BCAT1: variants seen among roughly 807,000 people sequenced by gnomAD.
BCAT1 encodes the protein branched-chain-amino-acid aminotransferase, cytosolic.
In BCAT1, 48 loss-of-function variants were observed where a neutral mutation model predicts 52.4. The observed-to-expected ratio is 0.92, with a 90% CI of 0.73 to 1.16. The LOEUF (loss-of-function observed/expected upper bound fraction) is 1.16. Ranked by LOEUF, BCAT1 falls within the 50% of genes most tolerant of loss-of-function variation. The pLI is 0.00. For missense variants in BCAT1, 451 were observed against 457.1 expected, an observed-to-expected ratio of 0.99 and a Z score of 0.12; for synonymous variants, 167 against 161.3, an observed-to-expected ratio of 1.04 and a Z score of -0.27.
intron 1 of BCAT1, among the ~76,000 whole-genome samples, chr12:24,941,347 CTA>C (rs1469073935): frequency 6.6e-6 from 1 of 152,124 alleles, no homozygotes; most frequent in Non-Finnish European, 1.5e-5. Flanking sequence ...TTAATAGCAG[CTA>C]TATGTGTTTG....
chr12:24,878,956 TC>T (rs1456830091), intron 4 of BCAT1, among the ~76,000 whole-genome samples: 1 of 152,064 alleles, frequency 6.6e-6, no homozygotes, highest in Non-Finnish European at 1.5e-5. Context: ...TTTCTGATTT[TC>T]CCCCCAAAAA....
intron 4 of BCAT1, 125 bp from the exon 5 acceptor site, chr12:24,878,774 G>T: frequency 1.1e-6 from 1 of 942,462 alleles, no homozygotes; most frequent in Non-Finnish European, 1.5e-6. Context: ...AATAAGAAAT[G>T]TTTGAGGTGA....
chr12:24,838,573 C>A (rs1941074897), intron 7 of BCAT1, among the ~76,000 whole-genome samples: 2 of 152,046 alleles, frequency 1.3e-5, no homozygotes, highest in Non-Finnish European at 1.5e-5. Context: ...GCTTGCTGAG[C>A]CCTGAGACTA....
chr12:24,942,410 C>T (rs1453804303), intron 1 of BCAT1, among the ~76,000 whole-genome samples: 1 of 151,806 alleles, frequency 6.6e-6, no homozygotes, highest in East Asian at 1.9e-4. Context: ...CAAGCGTGGT[C>T]GTGGGTGTCT....
chr12:24,850,848 G>T (rs1941487197), intron 5 of BCAT1, among the ~76,000 whole-genome samples: 1 of 152,120 alleles, frequency 6.6e-6, no homozygotes, highest in Admixed American at 6.6e-5. Context: ...ATTGAGAATG[G>T]TTCTTTGCTC....
chr12:24,903,131 G>A lies in BCAT1; in HGVS notation c.7-1246C>T, dbSNP rs11047699. 1.6e-5 allele frequency: 21 copies of A among 1,316,644 alleles called. No homozygotes were observed. The South Asian group carries it at 4.0e-4, about 25-fold the overall frequency. 81.6% of individuals were successfully genotyped at this position (1,316,644 alleles called of 1,614,324 possible). A position where few individuals can be genotyped will look rare whatever the true frequency, so the allele number is the denominator to read the frequency against. ...CCACGACCTGGGGCCGCGCGCCAGG[G>A]CCAGGCGCAGGGTACGACGCAACCC... On this transcript the variant is annotated intron_variant, in intron 1 of 10. Coordinates refer to ENST00000261192, the MANE Select transcript of BCAT1 (RefSeq NM_005504.7).
At chr12:24,930,394 G>A (rs567712482) in intron 1 of BCAT1, among the ~76,000 whole-genome samples, 20 of 152,234 alleles carry the variant, frequency 1.3e-4, no homozygotes, top group Non-Finnish European at 2.2e-4. Flanking sequence ...AGTTCATGAC[G>A]TCTTTGCTCT....
At chr12:24,925,916 T>C (rs1490898166) in intron 1 of BCAT1, among the ~76,000 whole-genome samples, 2 of 151,960 alleles carry the variant, frequency 1.3e-5, no homozygotes, top group African/African-American at 2.4e-5. Flanking sequence ...AGCTGGAGTG[T>C]AGTGGCGTGA....
At chr12:24,877,139 T>C (rs1258753201) in intron 5 of BCAT1, among the ~76,000 whole-genome samples, 1 of 152,200 alleles carries the variant, frequency 6.6e-6, no homozygotes, top group Non-Finnish European at 1.5e-5. Context: ...TCGGTATTTA[T>C]TCCATGGCCC....
chr12:24,867,149 A>G (rs749715347), intron 5 of BCAT1, among the ~76,000 whole-genome samples: 6 of 152,052 alleles, frequency 3.9e-5, no homozygotes, highest in Non-Finnish European at 7.4e-5. Context: ...AGCCAACGAG[A>G]CCACGAACCT....
At chr12:24,857,763 A>T (rs1261158589) in intron 5 of BCAT1, among the ~76,000 whole-genome samples, 1 of 152,164 alleles carries the variant, frequency 6.6e-6, no homozygotes, top group African/African-American at 2.4e-5. Context: ...TCTGATTTGC[A>T]TTGTGTTACC....
At chr12:24,868,691 T>G in intron 5 of BCAT1, among the ~76,000 whole-genome samples, 1 of 152,334 alleles carries the variant, frequency 6.6e-6, no homozygotes, top group Admixed American at 6.5e-5. Flanking sequence ...AGAATGTTCT[T>G]GGAGTAAGAA....
intron 1 of BCAT1, among the ~76,000 whole-genome samples, chr12:24,933,335 TAAAC>T (rs1163403637): frequency 6.6e-6 from 1 of 151,968 alleles, no homozygotes; most frequent in Non-Finnish European, 1.5e-5. Flanking sequence ...CACCATTTCA[TAAAC>T]AAAAAAACTG....
Position 24,817,769 on chromosome 12 carries a change from T to G in BCAT1, c.*239A>C, listed in dbSNP as rs899273191. 4 of 505,772 alleles carry G rather than the reference T, an allele frequency of 7.9e-6. No homozygotes were observed. Among genetic ancestry groups the G allele is most frequent in the African/African-American group, 7.6e-5 (4 of 52,322 alleles). 31.3% of individuals were successfully genotyped at this position (505,772 alleles called of 1,614,324 possible). On this transcript the variant is annotated 3_prime_UTR_variant, in exon 11 of 11. Coordinates refer to ENST00000261192, the MANE Select transcript of BCAT1 (RefSeq NM_005504.7). The stretch of plus-strand genomic sequence containing the variant: ...AAAATCCCATGTTATATGGCTTACA[T>G]TAATGTTTTTCTAGGTAAGGTAAGG...
chr12:24,928,488 A>T (rs1943626864), intron 1 of BCAT1, among the ~76,000 whole-genome samples: 1 of 152,060 alleles, frequency 6.6e-6, no homozygotes, highest in Non-Finnish European at 1.5e-5. Context: ...AATAAAAAAT[A>T]AATTAGCCGG....
intron 3 of BCAT1, among the ~76,000 whole-genome samples, chr12:24,882,598 T>TA (rs1942534925): frequency 1.0e-5 from 1 of 96,214 alleles, no homozygotes; most frequent in Admixed American, 9.9e-5. Context: ...TTATTATTTA[T>TA]TTTTTTTTTT....
At chr12:24,833,180 C>A (rs957570650) in intron 8 of BCAT1, among the ~76,000 whole-genome samples, 4 of 152,172 alleles carry the variant, frequency 2.6e-5, no homozygotes, top group Admixed American at 1.3e-4. Flanking sequence ...TAAAGTCTCA[C>A]AAAATTGATG....
At chr12:24,827,580 C>T (rs925970309) in intron 10 of BCAT1, among the ~76,000 whole-genome samples, 1 of 152,116 alleles carries the variant, frequency 6.6e-6, no homozygotes, top group Non-Finnish European at 1.5e-5. Context: ...TCACTTGAGG[C>T]TAGGAGTTTG....
At position 24,894,458 on chromosome 12, in the gene BCAT1, G is replaced by A; in HGVS notation, c.96C>T (p.Val32=). Residue 32 remains valine, a synonymous_variant, in exon 3 of 11, where the codon GTC becomes GTT. Transcript: ENST00000261192. ...VGTFKAKDLI[V]TPATILKEKP... The stretch of plus-strand genomic sequence containing the variant: ...TTTCCTTTAAAATGGTAGCTGGTGT[G>A]ACTATTAGGTCTTTAGCCTGGGGAA... The A allele has an allele frequency of 6.3e-7, 1 of 1,593,846 alleles. No individual in the cohort carries two copies. The highest frequency in any genetic ancestry group is 8.6e-7 in the Non-Finnish European group (1 of 1,169,172).
Sources: allele counts gnomAD v4.1 joint callset (sites outside exome capture counted in the v4.1 genomes callset), GRCh38; gene constraint gnomAD v4.1.1; transcripts MANE v1.5; gene names NCBI Gene and HGNC (gene_info 2026-07-23, HGNC 2026-07-21).